Variants in NDUFS7 observed in about 807,000 individuals in gnomAD.
The protein encoded by NDUFS7 is NADH:ubiquinone oxidoreductase core subunit S7, also known as NADH dehydrogenase [ubiquinone] iron-sulfur protein 7, mitochondrial.
Under a neutral mutation model 31.1 loss-of-function variants are expected in NDUFS7, and 11 were observed. The observed-to-expected ratio is 0.35, with a 90% CI of 0.22 to 0.59. The LOEUF (loss-of-function observed/expected upper bound fraction) is 0.59. NDUFS7 is among the 20% of genes least tolerant of loss of function. NDUFS7 has a pLI of 0.79. For synonymous variants in NDUFS7, 136 were observed against 127.9 expected (o/e 1.06, Z -0.43); for missense variants, 263 against 324.2 (o/e 0.81, Z 1.45).
At chr19:1,384,473 C>T (rs993363379) in intron 1 of NDUFS7, among the ~76,000 whole-genome samples, 2 of 152,248 alleles carry the variant, frequency 1.3e-5, no homozygotes, top group Admixed American at 1.3e-4. Context: ...TTGGGATCAG[C>T]TGAAGCCTGC....
In NDUFS7 at chr19:1,393,954, C is replaced by T. The variant is rs530811371; in HGVS notation, c.544+624C>T. ...GATCCCGTGGGACTCTTGCACCTCA[C>T]GTGGTCCCACGAGGGCCATCCCCCC... On this transcript the variant is annotated intron_variant, in intron 7 of 7. Coordinates refer to ENST00000233627, the MANE Select transcript of NDUFS7 (RefSeq NM_024407.5). This position sits in a 1 kb window ranked among gnomAD's most constrained non-coding sequence, Gnocchi z 7.3. 3.7e-5 allele frequency: 9 copies of T among 241,196 alleles called. No individual in the cohort carries two copies. Among genetic ancestry groups the T allele is most frequent in the Non-Finnish European group, 5.8e-5 (7 of 121,054 alleles). 14.9% of individuals were successfully genotyped at this position (241,196 alleles called of 1,614,324 possible). A position where few individuals can be genotyped will look rare whatever the true frequency, so the allele number is the denominator to read the frequency against.
rs1316239543 is a variant in NDUFS7 at position 1,388,548 on chromosome 19, A to G, written c.77A>G (p.Gln26Arg). 3.1e-6 allele frequency: 5 copies of G among 1,611,674 alleles called. No individual in the cohort carries two copies. The highest frequency in any genetic ancestry group is 4.2e-6 in the Non-Finnish European group (5 of 1,179,904). ...GLRSSVGPAV[Q>R]ARGVHQSVAT... Reference sequence around the variant, plus strand: ...AGCTCCAGCGTGGGCCCGGCTGTGCAGGCACGAGGTGTCCATCAGAGCGTG... The same window carrying G: ...AGCTCCAGCGTGGGCCCGGCTGTGCGGGCACGAGGTGTCCATCAGAGCGTG... Residue 26 changes from glutamine to arginine, a missense_variant, in exon 3 of 8, where the codon CAG becomes CGG. Gln to Arg is a conservative substitution (Grantham distance 43). Coordinates refer to ENST00000233627, the MANE Select transcript of NDUFS7 (RefSeq NM_024407.5).
At chr19:1,388,643 C>A (rs758471816) in intron 3 of NDUFS7, 50 bp downstream of exon 3, 4 of 1,572,100 alleles carry the variant, frequency 2.5e-6, no homozygotes, top group Non-Finnish European at 8.7e-7. Flanking sequence ...CCACCCCCAT[C>A]CCTTCCTTAT....
intron 1 of NDUFS7, chr19:1,384,156 G>A (rs1026570592): frequency 1.8e-6 from 1 of 567,150 alleles, no homozygotes; most frequent in Non-Finnish European, 2.9e-6. Flanking sequence ...ACCGAGGCCC[G>A]GTAGGTCATG....
chr19:1,394,444 G>C (rs564060319), intron 7 of NDUFS7: 39 of 1,273,852 alleles, frequency 3.1e-5, no homozygotes, highest in Non-Finnish European at 4.0e-5. Context: ...CCTGGGGACC[G>C]CGCTCCTCCC....
intron 6 of NDUFS7, 91 bp downstream of exon 6, chr19:1,391,256 A>G: frequency 6.8e-7 from 1 of 1,477,782 alleles, no homozygotes; most frequent in Non-Finnish European, 9.3e-7. Context: ...AGTGTCATCT[A>G]CATTCAGTGA....
chr19:1,389,308 C>A (rs749492019), intron 4 of NDUFS7: 2 of 482,272 alleles, frequency 4.1e-6, no homozygotes, highest in South Asian at 3.2e-5. Context: ...TATGCACAGT[C>A]ATGCACACAC....
Position 1,393,718 on chromosome 19 carries a change from G to A in NDUFS7, c.544+388G>A. On this transcript the variant is annotated intron_variant, in intron 7 of 7. Transcript: ENST00000233627. This position sits in a 1 kb window ranked among gnomAD's most constrained non-coding sequence, Gnocchi z 7.3. ...ACAGAAGGGCACGCAGGACTCCCTG[G>A]GACCCGGGGTGGCCGGATTTGGCAA... The A allele has an allele frequency of 1.8e-6, 1 of 546,952 alleles. No homozygotes were observed. Among genetic ancestry groups the A allele is most frequent in the Non-Finnish European group, 3.3e-6 (1 of 305,226 alleles). The allele number at this position is 546,952 out of a possible 1,614,324, so 33.9% of individuals were successfully genotyped here. A position where few individuals can be genotyped will look rare whatever the true frequency, so the allele number is the denominator to read the frequency against.
At chr19:1,389,133 CAATGCACAT>C in intron 4 of NDUFS7, 195 bp downstream of exon 4, 1 of 705,762 alleles carries the variant, frequency 1.4e-6, no homozygotes, top group Non-Finnish European at 2.6e-6. Flanking sequence ...CTCACGCACA[CAATGCACAT>C]ATGCACACTC....
chr19:1,387,932 G>GGGGGGGGT, intron 2 of NDUFS7, 85 bp downstream of exon 2: 4 of 416,856 alleles, frequency 9.6e-6, no homozygotes, highest in Non-Finnish European at 1.9e-5. Context: ...GGGGGTGGGG[G>GGGGGGGGT]GAGCGCCTTG....
intron 1 of NDUFS7, 115 bp from the exon 2 acceptor site, chr19:1,387,696 C>T (rs759611487): frequency 3.1e-5 from 29 of 922,494 alleles, no homozygotes; most frequent in Non-Finnish European, 4.4e-5. Flanking sequence ...AAGTGGCACT[C>T]GAGTTGGGAT....
At chr19:1,389,564 G>C (rs889661183) in intron 4 of NDUFS7, 1 of 454,298 alleles carries the variant, frequency 2.2e-6, no homozygotes, top group African/African-American at 2.0e-5. Context: ...TGTTCCTCTT[G>C]TTTCTCTTTT....
chr19:1,384,752 C>T (rs894640978), intron 1 of NDUFS7, among the ~76,000 whole-genome samples: 5 of 152,146 alleles, frequency 3.3e-5, no homozygotes, highest in South Asian at 4.1e-4. Flanking sequence ...TCTGTGATTC[C>T]GCTTGGTGAA....
rs2082516246 is a variant in NDUFS7, at chr19:1,387,644, T to C, written c.17-167T>C. ...GCAGTCTCAAGCAGGGGACTAAGAC[T>C]CTCTCGTGTTCTGAAAACCCCCTCG... On this transcript the variant is annotated intron_variant, in intron 1 of 7. Coordinates refer to ENST00000233627, the MANE Select transcript of NDUFS7 (RefSeq NM_024407.5). 6 of 670,472 alleles carry C rather than the reference T, an allele frequency of 8.9e-6. No homozygotes were observed. In the Admixed American group the frequency reaches 1.2e-4, roughly 14 times the overall value. 41.5% of individuals were successfully genotyped at this position (670,472 alleles called of 1,614,324 possible). A position where few individuals can be genotyped will look rare whatever the true frequency, so the allele number is the denominator to read the frequency against.
intron 3 of NDUFS7, 115 bp from the exon 4 acceptor site, chr19:1,388,718 A>C: frequency 2.1e-6 from 3 of 1,413,018 alleles, no homozygotes; most frequent in Non-Finnish European, 2.9e-6. Context: ...CACACATCCC[A>C]GTCCCTGACC....
At chr19:1,388,347 G>A (rs1420670524) in intron 2 of NDUFS7, 178 bp from the exon 3 acceptor site, 3 of 650,992 alleles carry the variant, frequency 4.6e-6, no homozygotes, top group East Asian at 5.5e-5. Flanking sequence ...GGCCATCATT[G>A]GGGGTCGGGG....
rs147904290 is a variant in NDUFS7 at position 1,388,251 on chromosome 19, C to G, written c.54-274C>G. 9.9e-4 allele frequency: 586 copies of G among 590,570 alleles called. 10 individuals are homozygous for G. In the East Asian group the frequency reaches 0.016, roughly 16 times the overall value. 36.6% of individuals were successfully genotyped at this position (590,570 alleles called of 1,614,324 possible). A position where few individuals can be genotyped will look rare whatever the true frequency, so the allele number is the denominator to read the frequency against. ...TGTGTGGAGGGCCTGCTGCCAGTTT[C>G]CTTCTGTGGATGATCCTGGGACCGT... On this transcript the variant is annotated intron_variant, in intron 2 of 7. Coordinates refer to ENST00000233627, the MANE Select transcript of NDUFS7 (RefSeq NM_024407.5).
At chr19:1,385,266 G>A (rs1247795658) in intron 1 of NDUFS7, among the ~76,000 whole-genome samples, 2 of 152,214 alleles carry the variant, frequency 1.3e-5, no homozygotes, top group African/African-American at 4.8e-5. Flanking sequence ...TGTAATCCCA[G>A]CACTTTGGAA....
chr19:1,389,388 C>T, intron 4 of NDUFS7: 1 of 462,524 alleles, frequency 2.2e-6, no homozygotes, highest in Non-Finnish European at 4.3e-6. Flanking sequence ...GGCATGCATG[C>T]ACACAGGCAC....
Sources: allele counts gnomAD v4.1 joint callset (sites outside exome capture counted in the v4.1 genomes callset), GRCh38; gene constraint gnomAD v4.1.1; non-coding constraint Gnocchi (gnomAD v3.1); transcripts MANE v1.5; gene names NCBI Gene and HGNC (gene_info 2026-07-23, HGNC 2026-07-21).